XRCC4: variants seen among roughly 807,000 people sequenced by gnomAD.
XRCC4 encodes the protein X-ray repair cross complementing 4.
A neutral mutation model predicts 39.1 loss-of-function variants in XRCC4; 28 were observed. The observed-to-expected ratio is 0.72, with a 90% CI of 0.53 to 0.98. XRCC4 has a LOEUF of 0.98. Among genes scored for constraint, XRCC4 ranks in the 50% least tolerant of loss-of-function variants. The pLI, the probability that XRCC4 is intolerant of heterozygous loss-of-function variation, is 0.00. For synonymous variants in XRCC4, 123 were observed against 126.4 expected (o/e 0.97, Z 0.18); for missense variants, 350 against 376.4 (o/e 0.93, Z 0.58).
intron 3 of XRCC4, among the ~76,000 whole-genome samples, chr5:83,186,941 ATT>A (rs770811313): frequency 2.3e-5 from 2 of 87,488 alleles, no homozygotes; most frequent in African/African-American, 6.0e-5. Context: ...TGCTTCTTCC[ATT>A]TTTTTTTTTT....
At chr5:83,154,962 G>A (rs1052664672) in intron 3 of XRCC4, among the ~76,000 whole-genome samples, 3 of 152,112 alleles carry the variant, frequency 2.0e-5, no homozygotes, top group Non-Finnish European at 4.4e-5. Context: ...TTTCTCTGCA[G>A]AAATCACACT....
chr5:83,191,872 T>A (rs1750711121), intron 3 of XRCC4, among the ~76,000 whole-genome samples: 1 of 152,162 alleles, frequency 6.6e-6, no homozygotes, highest in African/African-American at 2.4e-5. Flanking sequence ...CTCAGGTATG[T>A]CTTTATCAGC....
At position 83,132,335 on chromosome 5, in the gene XRCC4, C is replaced by T. The variant is rs145745530; in HGVS notation, c.315+21132C>T. 1.6e-3 allele frequency among the ~76,000 whole-genome samples: 237 copies of T among 152,010 alleles called. 1 individual carries two copies. The highest frequency in any genetic ancestry group is 5.0e-3 in the South Asian group (24 of 4,796). On this transcript the variant is annotated intron_variant, in intron 3 of 7. Coordinates refer to ENST00000396027, the MANE Select transcript of XRCC4 (RefSeq NM_003401.5). ...AACATTTTTTCCTTCATTTCAACTT[C>T]GGTGAATCTGACAATTATGTGTCTT...
intron 1 of XRCC4, among the ~76,000 whole-genome samples, chr5:83,096,601 T>C (rs1016659486): frequency 1.3e-5 from 2 of 152,164 alleles, no homozygotes; most frequent in Non-Finnish European, 2.9e-5. Context: ...TTTTACAGCC[T>C]CCTACCTGAA....
intron 1 of XRCC4, 38 bp downstream of exon 1, chr5:83,077,653 A>G (rs1744723750): frequency 6.3e-6 from 2 of 319,274 alleles, no homozygotes; most frequent in Non-Finnish European, 1.2e-5. Context: ...TTAAATAACA[A>G]AAATCTGAGG....
intron 1 of XRCC4, among the ~76,000 whole-genome samples, chr5:83,079,717 T>C (rs1744848553): frequency 1.3e-5 from 2 of 151,986 alleles, no homozygotes; most frequent in South Asian, 4.1e-4. Flanking sequence ...TTATTTTTTG[T>C]AGAGACAGGG....
At chr5:83,249,422 C>A (rs938749579) in intron 6 of XRCC4, among the ~76,000 whole-genome samples, 2 of 152,074 alleles carry the variant, frequency 1.3e-5, no homozygotes, top group East Asian at 3.9e-4. Context: ...TCAAGGAATG[C>A]CTCCGAAATT....
At chr5:83,104,863 G>T in intron 1 of XRCC4, 47 bp from the exon 2 acceptor site, 1 of 1,565,470 alleles carries the variant, frequency 6.4e-7, no homozygotes, top group South Asian at 1.1e-5. Context: ...AACATTATTT[G>T]AGTTACAGTT....
chr5:83,356,763 G>A, downstream of XRCC4: 1 of 453,972 alleles, frequency 2.2e-6, no homozygotes, highest in Non-Finnish European at 4.4e-6. Flanking sequence ...TGAAATGGAA[G>A]GCACAGAAAT....
intron 3 of XRCC4, among the ~76,000 whole-genome samples, chr5:83,179,896 A>T (rs530443283): frequency 6.6e-6 from 1 of 152,318 alleles, no homozygotes; most frequent in South Asian, 2.1e-4. Context: ...AGTGTCAGGA[A>T]TCTGAAAGAG....
chr5:83,341,913 A>G (rs1756771054), intron 7 of XRCC4, among the ~76,000 whole-genome samples: 1 of 152,196 alleles, frequency 6.6e-6, no homozygotes, highest in African/African-American at 2.4e-5. Flanking sequence ...CAAATAAAGC[A>G]GAGTCCCCCC....
At chr5:83,265,590 A>G (rs893343770) in intron 7 of XRCC4, among the ~76,000 whole-genome samples, 29 of 152,204 alleles carry the variant, frequency 1.9e-4, no homozygotes, top group African/African-American at 6.8e-4. Flanking sequence ...AAGATTGATC[A>G]TATGCATTAT....
At chr5:83,209,615 G>A (rs1419105502) in intron 6 of XRCC4, among the ~76,000 whole-genome samples, 1 of 151,944 alleles carries the variant, frequency 6.6e-6, no homozygotes, top group Non-Finnish European at 1.5e-5. Flanking sequence ...GAAACATTTT[G>A]AAAAGCTATG....
intron 7 of XRCC4, among the ~76,000 whole-genome samples, chr5:83,340,742 T>A (rs1756732219): frequency 6.6e-6 from 1 of 152,164 alleles, no homozygotes; most frequent in Non-Finnish European, 1.5e-5. Context: ...TCCAGAACTG[T>A]AAGATGATAA....
intron 3 of XRCC4, among the ~76,000 whole-genome samples, chr5:83,133,486 G>T (rs1747712623): frequency 6.6e-6 from 1 of 152,208 alleles, no homozygotes; most frequent in Non-Finnish European, 1.5e-5. Flanking sequence ...TGCCCCCAAA[G>T]GTGGATTCTA....
chr5:83,169,753 T>A (rs183345454), intron 3 of XRCC4, among the ~76,000 whole-genome samples: 2 of 152,230 alleles, frequency 1.3e-5, no homozygotes, highest in African/African-American at 4.8e-5. Context: ...GCAGTATGAC[T>A]TTGAGAGAAA....
intron 3 of XRCC4, among the ~76,000 whole-genome samples, chr5:83,123,651 ATTC>A (rs970429747): frequency 7.2e-5 from 11 of 151,832 alleles, no homozygotes; most frequent in Non-Finnish European, 1.2e-4. Context: ...ATTTTTTATT[ATTC>A]TTTTATCTTT....
chr5:83,093,378 A>C (rs548468375), intron 1 of XRCC4, among the ~76,000 whole-genome samples: 1 of 152,214 alleles, frequency 6.6e-6, no homozygotes, highest in Non-Finnish European at 1.5e-5. Flanking sequence ...ACTTCAATGC[A>C]CCACTTTCAA....
chr5:83,103,009 GATATATATATAT>G (rs56183616), intron 1 of XRCC4, among the ~76,000 whole-genome samples: 6 of 106,460 alleles, frequency 5.6e-5, no homozygotes, highest in South Asian at 6.8e-4. Flanking sequence ...AGATAGAGCT[GATATATATATAT>G]ATATATATAT....
Sources: gnomAD v4.1 joint callset for allele counts (sites outside exome capture counted in the v4.1 genomes callset) on GRCh38, gnomAD v4.1.1 for gene constraint, MANE v1.5 for transcripts, NCBI Gene and HGNC (gene_info 2026-07-23, HGNC 2026-07-21) for gene names.